The following PRKN variants were observed in gnomAD, a reference collection of about 807,000 sequenced individuals.
PRKN encodes E3 ubiquitin-protein ligase parkin.
Under a neutral mutation model 59.5 loss-of-function variants are expected in PRKN, and 56 were observed. That is an observed-to-expected ratio of 0.94 (90% CI 0.76 to 1.18). PRKN has a LOEUF of 1.18. Ranked by LOEUF, PRKN falls within the 50% of genes most tolerant of loss-of-function variation. The probability of loss-of-function intolerance (pLI) is 0.00; values close to 1 mark genes in which losing one functional copy is unlikely to be tolerated. For missense variants in PRKN, 657 were observed against 596.4 expected (o/e 1.10, Z -1.06); for synonymous variants, 250 against 222.1 (o/e 1.13, Z -1.12).
chr6:162,348,195 A>G (rs945393595), intron 2 of PRKN, among the ~76,000 whole-genome samples: 1 of 152,220 alleles, frequency 6.6e-6, no homozygotes, highest in African/African-American at 2.4e-5. Flanking sequence ...TTGCTGGTTC[A>G]CAGAGCATTG....
intron 1 of PRKN, among the ~76,000 whole-genome samples, chr6:162,519,013 T>C (rs1407453009): frequency 1.3e-5 from 2 of 151,606 alleles, no homozygotes; most frequent in African/African-American, 4.8e-5. Flanking sequence ...TTTAGGAAAA[T>C]ATAAAAATTA....
In PRKN at chr6:161,400,510, C is replaced by A. The variant is rs530942044; in HGVS notation, c.1084-13633G>T. ...TTTAGTAGAGACGGGGTTTCGCTTT[C>A]GCCATATTGGCCAGGCTGGTCTCAA... On this transcript the variant is annotated intron_variant, in intron 9 of 11. Transcript: ENST00000366898. This position sits in a 1 kb window ranked among gnomAD's most constrained non-coding sequence, Gnocchi z 4.2. Among the ~76,000 whole-genome samples the A allele has an allele frequency of 6.6e-6, 1 of 152,060 alleles. No individual in the cohort carries two copies. The highest frequency in any genetic ancestry group is 2.1e-4 in the South Asian group (1 of 4,824).
chr6:162,678,181 A>G (rs1779623835), intron 1 of PRKN, among the ~76,000 whole-genome samples: 1 of 152,166 alleles, frequency 6.6e-6, no homozygotes, highest in Non-Finnish European at 1.5e-5. Context: ...AGTATACACC[A>G]ATTTGTATAA....
At position 162,721,336 on chromosome 6, in the gene PRKN, C is replaced by T. The variant is rs146382582; in HGVS notation, c.7+6326G>A. 5.2e-3 allele frequency among the ~76,000 whole-genome samples: 792 copies of T among 152,328 alleles called. 7 individuals carry two copies. Among genetic ancestry groups the T allele is most frequent in the African/African-American group, 0.017 (722 of 41,580 alleles). On this transcript the variant is annotated intron_variant, in intron 1 of 11. Coordinates refer to ENST00000366898, the MANE Select transcript of PRKN (RefSeq NM_004562.3). Reference sequence around the variant, plus strand: ...GCACTAGTGTAACTATTTTCTACAACGTTCTATTTCATAACTTTCTAGTAC... The same window carrying T: ...GCACTAGTGTAACTATTTTCTACAATGTTCTATTTCATAACTTTCTAGTAC...
chr6:162,296,327 G>A (rs1413192195), intron 2 of PRKN, among the ~76,000 whole-genome samples: 1 of 150,980 alleles, frequency 6.6e-6, no homozygotes, highest in Non-Finnish European at 1.5e-5. Flanking sequence ...TCTCCAGGAA[G>A]GGTATGAGCA....
At chr6:161,908,946 C>G (rs1041947372) in intron 6 of PRKN, among the ~76,000 whole-genome samples, 2 of 151,980 alleles carry the variant, frequency 1.3e-5, no homozygotes, top group Non-Finnish European at 2.9e-5. Flanking sequence ...TTCTATAACA[C>G]AGAGAAATAA....
chr6:161,629,703 G>C (rs80035959), intron 7 of PRKN, among the ~76,000 whole-genome samples: 4,771 of 152,114 alleles, frequency 0.031, 122 homozygotes, highest in South Asian at 0.073. Flanking sequence ...CGCTCTGCCT[G>C]CCTCCTTCCC....
At chr6:161,524,648 C>T (rs16892704) in intron 9 of PRKN, among the ~76,000 whole-genome samples, 7,652 of 152,144 alleles carry the variant, frequency 0.05, 212 homozygotes, top group African/African-American at 0.056. Flanking sequence ...TTATGCTTTT[C>T]GGAGCTGAAT....
At position 161,540,898 on chromosome 6, in the gene PRKN, C is replaced by T. The variant is rs530061235; in HGVS notation, c.1083+7956G>A. On this transcript the variant is annotated intron_variant, in intron 9 of 11. Coordinates refer to ENST00000366898, the MANE Select transcript of PRKN (RefSeq NM_004562.3). ...CCACCTCTCTGTACCCCAACTCCTG[C>T]CCTGCTCCTGGCAGCATCTGTTGGA... Among the ~76,000 whole-genome samples the T allele has an allele frequency of 2.0e-5, 3 of 152,358 alleles. No homozygotes were observed. The East Asian group carries it at 5.8e-4, about 29-fold the overall frequency.
chr6:162,629,383 C>T (rs1783016886), intron 1 of PRKN, among the ~76,000 whole-genome samples: 1 of 151,990 alleles, frequency 6.6e-6, no homozygotes, highest in Non-Finnish European at 1.5e-5. Context: ...TTTACAGCTG[C>T]TATATATTAT....
chr6:161,568,232 G>T (rs1390837394), intron 8 of PRKN, among the ~76,000 whole-genome samples: 1 of 152,168 alleles, frequency 6.6e-6, no homozygotes, highest in Non-Finnish European at 1.5e-5. Context: ...TGATGAAAGT[G>T]AGCTGCCACA....
chr6:162,543,569 C>T (rs1295424164), intron 1 of PRKN, among the ~76,000 whole-genome samples: 3 of 152,102 alleles, frequency 2.0e-5, no homozygotes, highest in Non-Finnish European at 2.9e-5. Flanking sequence ...CCAGTCAGCT[C>T]GGCAAAACAA....
intron 4 of PRKN, among the ~76,000 whole-genome samples, chr6:162,179,463 T>C (rs1783693069): frequency 1.3e-5 from 2 of 152,156 alleles, no homozygotes; most frequent in Admixed American, 6.6e-5. Flanking sequence ...AGCTGCTGTG[T>C]TTCCTCATTT....
chr6:162,719,894 CAAAAAAAAAAAAA>C (rs56395129), intron 1 of PRKN, among the ~76,000 whole-genome samples: 119,809 of 144,290 alleles, frequency 0.83, 48,517 homozygotes, highest in East Asian at 0.95. Flanking sequence ...AGGTAGATGT[CAAAAAAAAAAAAA>C]AAAAAAAAAA....
chr6:161,598,886 G>A (rs942433964), intron 7 of PRKN, among the ~76,000 whole-genome samples: 2 of 152,274 alleles, frequency 1.3e-5, no homozygotes, highest in African/African-American at 4.8e-5. Context: ...AACCTCATTT[G>A]GGAATAAAAT....
chr6:161,457,135 A>G lies in PRKN; in HGVS notation c.1084-70258T>C, dbSNP rs1790006060. ...CAGACCGCTTGGTTCTTTGGAGTCCAGGAGTTCTCCACTCGGTACACCCAG... is the reference window on the plus strand; with the variant it reads ...CAGACCGCTTGGTTCTTTGGAGTCCGGGAGTTCTCCACTCGGTACACCCAG... On this transcript the variant is annotated intron_variant, in intron 9 of 11. Coordinates refer to ENST00000366898, the MANE Select transcript of PRKN (RefSeq NM_004562.3). The surrounding 1 kb of genome is among the most constrained non-coding windows in gnomAD (Gnocchi z 5.0). Among the ~76,000 whole-genome samples the G allele has an allele frequency of 6.6e-6, 1 of 152,226 alleles. No homozygotes were observed. The highest frequency in any genetic ancestry group is 2.4e-5 in the African/African-American group (1 of 41,472).
chr6:161,601,229 T>A (rs1031444176), intron 7 of PRKN, among the ~76,000 whole-genome samples: 28 of 152,260 alleles, frequency 1.8e-4, no homozygotes, highest in South Asian at 4.2e-4. Context: ...ACAAAAAAAA[T>A]TTATTTCTCA....
At position 162,171,320 on chromosome 6, in the gene PRKN, A is replaced by AT. The variant is rs761195977; in HGVS notation, c.534+29810dup. Among the ~76,000 whole-genome samples the AT allele has an allele frequency of 8.2e-4, 125 of 152,226 alleles. 1 individual carries two copies. The highest frequency in any genetic ancestry group is 1.6e-3 in the Non-Finnish European group (112 of 68,012). The stretch of plus-strand genomic sequence containing the variant: ...GGGAGATGGTATTCCAGTGGGAAAA[A>AT]TTTCACTGCTAAAACTAAACTAGAC... On this transcript the variant is annotated intron_variant, in intron 4 of 11. Coordinates refer to ENST00000366898, the MANE Select transcript of PRKN (RefSeq NM_004562.3).
At chr6:162,359,173 T>C (rs563302140) in intron 2 of PRKN, among the ~76,000 whole-genome samples, 137 of 150,660 alleles carry the variant, frequency 9.1e-4, no homozygotes, top group African/African-American at 3.3e-3. Context: ...ATCAGCCCCA[T>C]AGGAACAGAT....
Sources: allele counts gnomAD v4.1 joint callset (sites outside exome capture counted in the v4.1 genomes callset), GRCh38; gene constraint gnomAD v4.1.1; non-coding constraint Gnocchi (gnomAD v3.1); transcripts MANE v1.5; gene names NCBI Gene and HGNC (gene_info 2026-07-23, HGNC 2026-07-21).